KPNA3: variants seen among roughly 807,000 people sequenced by gnomAD.
KPNA3 encodes the protein karyopherin subunit alpha 3.
KPNA3 carries 13 observed loss-of-function variants against 73.8 expected under a neutral mutation model. The ratio of observed to expected loss-of-function variants is 0.18; its 90% CI spans 0.11 to 0.28. The LOEUF is 0.28. KPNA3 is among the 10% of genes least tolerant of loss of function. The pLI, the probability that KPNA3 is intolerant of heterozygous loss-of-function variation, is 1.00. For synonymous variants in KPNA3, 186 were observed against 206.9 expected (o/e 0.90, Z 0.87); for missense variants, 360 against 618.1 (o/e 0.58, Z 4.43).
At position 49,705,802 on chromosome 13, in the gene KPNA3, G is replaced by T. The variant is rs112700790; in HGVS notation, c.1210-19C>A. On this transcript the variant is annotated intron_variant, in intron 14 of 16. Transcript: ENST00000261667. ...ACTCAACCTAGACAACAAAAGAGAA[G>T]AAATATTTTTATTTATATAATTATC... 1.4e-5 allele frequency: 22 copies of T among 1,548,302 alleles called. 1 individual carries two copies. The highest frequency in any genetic ancestry group is 1.7e-4 in the Middle Eastern group (1 of 5,790).
At chr13:49,714,071 TA>T (rs1383653979) in intron 10 of KPNA3, among the ~76,000 whole-genome samples, 1 of 152,158 alleles carries the variant, frequency 6.6e-6, no homozygotes, top group Non-Finnish European at 1.5e-5. Flanking sequence ...GACATTTATT[TA>T]AAACAGTGAT....
chr13:49,749,431 C>T (rs150990676), intron 1 of KPNA3, among the ~76,000 whole-genome samples: 1 of 152,276 alleles, frequency 6.6e-6, no homozygotes, highest in African/African-American at 2.4e-5. Context: ...ACAGGCACCT[C>T]GATTCTTACT....
At chr13:49,771,119 CAAA>C (rs34079476) in intron 1 of KPNA3, among the ~76,000 whole-genome samples, 3 of 120,758 alleles carry the variant, frequency 2.5e-5, no homozygotes, top group African/African-American at 3.5e-5. Flanking sequence ...GTTGATATTT[CAAA>C]AAAAAAAAAA....
At chr13:49,703,269 A>G (rs1566330151) in intron 15 of KPNA3, among the ~76,000 whole-genome samples, 5 of 129,304 alleles carry the variant, frequency 3.9e-5, no homozygotes, top group African/African-American at 1.5e-4. Context: ...TGCAACCTCC[A>G]CCTCCTGGGT....
chr13:49,724,282 T>A (rs567198166), intron 7 of KPNA3, among the ~76,000 whole-genome samples: 3 of 151,902 alleles, frequency 2.0e-5, no homozygotes, highest in African/African-American at 7.3e-5. Context: ...CACCTAGGAG[T>A]AGAACTGCTG....
At chr13:49,702,610 G>T in intron 15 of KPNA3, 130 bp from the exon 16 acceptor site, 1 of 513,754 alleles carries the variant, frequency 1.9e-6, no homozygotes, top group Non-Finnish European at 3.4e-6. Context: ...TAAGATAGTG[G>T]TTTGTCTAAA....
chr13:49,734,939 A>G (rs1371416452), intron 2 of KPNA3, among the ~76,000 whole-genome samples: 4 of 125,086 alleles, frequency 3.2e-5, no homozygotes, highest in African/African-American at 8.7e-5. Context: ...ATATATATAT[A>G]GAGAGAGAGA....
chr13:49,719,885 T>G (rs1360804487), intron 9 of KPNA3, 66 bp from the exon 10 acceptor site: 2 of 1,067,082 alleles, frequency 1.9e-6, no homozygotes, highest in East Asian at 4.9e-5. Flanking sequence ...ATGAACAACT[T>G]TGACATAAAA....
At chr13:49,762,309 C>A (rs1481830905) in intron 1 of KPNA3, among the ~76,000 whole-genome samples, 1 of 152,016 alleles carries the variant, frequency 6.6e-6, no homozygotes, top group South Asian at 2.1e-4. Flanking sequence ...TGCCCAGCCG[C>A]CCCTGCTGGG....
At chr13:49,768,638 CTTTTAA>C (rs1040774416) in intron 1 of KPNA3, among the ~76,000 whole-genome samples, 1 of 87,636 alleles carries the variant, frequency 1.1e-5, no homozygotes, top group Non-Finnish European at 2.1e-5. Flanking sequence ...TTAGGTTCAT[CTTTTAA>C]TTTTGAGATT....
At chr13:49,731,054 A>G (rs976155604) in intron 6 of KPNA3, among the ~76,000 whole-genome samples, 1 of 151,500 alleles carries the variant, frequency 6.6e-6, no homozygotes, top group African/African-American at 2.4e-5. Flanking sequence ...TGCTGAGACT[A>G]CAGGTGTGAG....
intron 9 of KPNA3, 89 bp downstream of exon 9, chr13:49,721,866 A>C: frequency 1.2e-6 from 1 of 814,768 alleles, no homozygotes; most frequent in Non-Finnish European, 1.8e-6. Context: ...TGAAATCAGT[A>C]TATGTATTAT....
At chr13:49,787,214 C>T (rs1195553759) in intron 1 of KPNA3, among the ~76,000 whole-genome samples, 1 of 152,078 alleles carries the variant, frequency 6.6e-6, no homozygotes, top group Non-Finnish European at 1.5e-5. Context: ...AGTGTTAAGC[C>T]CAAAGATACG....
intron 1 of KPNA3, among the ~76,000 whole-genome samples, chr13:49,774,153 C>A (rs1186352327): frequency 6.6e-6 from 1 of 152,124 alleles, no homozygotes; most frequent in African/African-American, 2.4e-5. Context: ...GATCCCCCTG[C>A]CTCAGCCTCC....
chr13:49,774,138 C>T (rs1245881186), intron 1 of KPNA3, among the ~76,000 whole-genome samples: 4 of 151,966 alleles, frequency 2.6e-5, no homozygotes, highest in Non-Finnish European at 2.9e-5. Flanking sequence ...CTCCTGCGCT[C>T]AAGTGATCCC....
At chr13:49,783,708 C>T (rs955814017) in intron 1 of KPNA3, among the ~76,000 whole-genome samples, 6 of 152,074 alleles carry the variant, frequency 3.9e-5, no homozygotes, top group African/African-American at 1.4e-4. Flanking sequence ...CAAGAAGTTA[C>T]TTTTTTTTCC....
chr13:49,748,354 T>A (rs944280830), intron 1 of KPNA3, among the ~76,000 whole-genome samples: 3 of 152,164 alleles, frequency 2.0e-5, no homozygotes, highest in Non-Finnish European at 2.9e-5. Flanking sequence ...AGGCATGCCT[T>A]ATGGGGAAAC....
At chr13:49,712,919 T>C (rs1954272798) in intron 10 of KPNA3, among the ~76,000 whole-genome samples, 1 of 147,966 alleles carries the variant, frequency 6.8e-6, no homozygotes, top group Non-Finnish European at 1.5e-5. Flanking sequence ...TTTCACAAAA[T>C]GACAGTTCAA....
intron 1 of KPNA3, among the ~76,000 whole-genome samples, chr13:49,752,030 T>C (rs1269767931): frequency 5.3e-5 from 8 of 151,790 alleles, no homozygotes; most frequent in African/African-American, 2.4e-5. Context: ...CAGAAGAAAA[T>C]GGAAGGGCAG....
Sources: allele counts gnomAD v4.1 joint callset (sites outside exome capture counted in the v4.1 genomes callset), GRCh38; gene constraint gnomAD v4.1.1; transcripts MANE v1.5; gene names NCBI Gene and HGNC (gene_info 2026-07-23, HGNC 2026-07-21).